Variants in CEP192 observed in about 807,000 individuals in gnomAD.
The protein encoded by CEP192 is centrosomal protein of 192 kDa.
CEP192 carries 151 observed loss-of-function variants against 271.8 expected under a neutral mutation model. That is an observed-to-expected ratio of 0.56 (90% CI 0.49 to 0.64). CEP192 has a LOEUF of 0.64. CEP192 is among the 30% of genes least tolerant of loss of function. The pLI is 0.00. For synonymous variants in CEP192, 995 were observed against 1,076.5 expected, an observed-to-expected ratio of 0.92 and a Z score of 1.48; for missense variants, 2,910 against 3,020.5, an observed-to-expected ratio of 0.96 and a Z score of 0.86.
At chr18:13,012,163 G>C (rs1599062555) in intron 4 of CEP192, among the ~76,000 whole-genome samples, 1 of 152,326 alleles carries the variant, frequency 6.6e-6, no homozygotes, top group East Asian at 1.9e-4. Flanking sequence ...CGGGAATGGG[G>C]AGTGATTGCT....
chr18:13,019,169 T>C lies in CEP192; in HGVS notation c.1013T>C (p.Ile338Thr), dbSNP rs974199526. 3 of 1,545,100 alleles carry C rather than the reference T, an allele frequency of 1.9e-6. No individual in the cohort carries two copies. Among genetic ancestry groups the C allele is most frequent in the African/African-American group, 1.4e-5 (1 of 72,712 alleles). Residue 338 changes from isoleucine (I) to threonine (T), a missense_variant, in exon 9 of 45, where the codon ATA becomes ACA. Physicochemically the swap from Ile to Thr is moderately conservative, Grantham distance 89 (BLOSUM62 -1). Transcript: ENST00000506447. ...SSGTWGTEKE[I>T]ENLKGIVPDL... ...GGTACTTGGGGAACTGAGAAAGAAATAGAAAATTTGAAGGGTATTGTTCCA... is the reference window on the plus strand; with the variant it reads ...GGTACTTGGGGAACTGAGAAAGAAACAGAAAATTTGAAGGGTATTGTTCCA...
At chr18:13,094,726 G>A (rs564761781) in intron 34 of CEP192, among the ~76,000 whole-genome samples, 6 of 152,284 alleles carry the variant, frequency 3.9e-5, no homozygotes, top group South Asian at 2.1e-4. Context: ...CCCAGGAAAC[G>A]TGGACTAATG....
chr18:13,030,664 A>G, intron 11 of CEP192, 56 bp downstream of exon 11: 2 of 1,398,160 alleles, frequency 1.4e-6, no homozygotes, highest in Non-Finnish European at 2.0e-6. Flanking sequence ...GATCTTTCTA[A>G]GATTACTGTG....
Position 13,113,754 on chromosome 18 carries a change from CAGAA to C in CEP192, c.7167+52_7167+55del, listed in dbSNP as rs765595946. The C allele has an allele frequency of 1.1e-5, 17 of 1,510,698 alleles. No individual in the cohort carries two copies. In the Middle Eastern group the frequency reaches 5.4e-4, roughly 48 times the overall value. The allele number at this position is 1,510,698 out of a possible 1,614,324, so 93.6% of individuals were successfully genotyped here. On this transcript the variant is annotated intron_variant, in intron 41 of 44. Transcript: ENST00000506447. ...TAAATTATTGTATGTATTTTAAAAACAGAAAGGGAAATTAATAAGAAAAGTTGGC... is the reference window on the plus strand; with the variant it reads ...TAAATTATTGTATGTATTTTAAAAACAGGGAAATTAATAAGAAAAGTTGGC...
At chr18:13,067,057 A>C (rs562051987) in intron 21 of CEP192, among the ~76,000 whole-genome samples, 36 of 151,414 alleles carry the variant, frequency 2.4e-4, no homozygotes, top group African/African-American at 8.7e-4. Flanking sequence ...GTGTTTTACT[A>C]ACCTTGGATC....
chr18:13,017,095 A>G (rs2143098576), intron 6 of CEP192, 93 bp from the exon 7 acceptor site: 8 of 817,934 alleles, frequency 9.8e-6, no homozygotes, highest in Non-Finnish European at 1.5e-5. Flanking sequence ...TAGTCCATTG[A>G]CTCATTTATG....
chr18:13,024,219 A>T, intron 9 of CEP192: 1 of 414,198 alleles, frequency 2.4e-6, no homozygotes, highest in Non-Finnish European at 4.8e-6. Context: ...TAGAGAATTG[A>T]TTCCTCTATA....
intron 12 of CEP192, 103 bp from the exon 13 acceptor site, chr18:13,038,265 TAC>T: frequency 1.1e-6 from 1 of 937,168 alleles, no homozygotes. Flanking sequence ...TTTTCAAAAT[TAC>T]TTTTTAAATT....
intron 36 of CEP192, among the ~76,000 whole-genome samples, chr18:13,097,040 T>A (rs781726816): frequency 3.3e-5 from 5 of 152,214 alleles, no homozygotes; most frequent in African/African-American, 1.2e-4. Flanking sequence ...CAAAATGATA[T>A]GCTAAAATTT....
intron 18 of CEP192, among the ~76,000 whole-genome samples, chr18:13,055,375 G>T (rs760064938): frequency 6.6e-6 from 1 of 151,798 alleles, no homozygotes; most frequent in African/African-American, 2.4e-5. Context: ...CTGCTGAGCC[G>T]CCGCCTGACC....
rs2040429997 is a variant in CEP192 at position 13,116,377 on chromosome 18, G to A, written c.7290G>A (p.Glu2430=). 1.2e-6 allele frequency: 2 copies of A among 1,611,102 alleles called. No individual in the cohort carries two copies. The highest frequency in any genetic ancestry group is 2.2e-5 in the South Asian group (2 of 90,030). The change falls in exon 43 of 45, where the codon GAG becomes GAA. Residue 2430 remains glutamate (E), a splice_region_variant and synonymous_variant. Transcript: ENST00000506447. ...ACTTTTACACCTATTCCCAAAGCAG[G>A]CAGCTTGATGTGACTGCTCGTGGAG... ...AVSEASARIP[E]QLDVTARGVY...
intron 38 of CEP192, 148 bp downstream of exon 38, chr18:13,100,660 G>A: frequency 1.6e-6 from 1 of 627,482 alleles, no homozygotes; most frequent in Non-Finnish European, 2.8e-6. Context: ...ATGATGGGCT[G>A]GATTTGGGAT....
chr18:13,097,646 A>G (rs1013740339), intron 36 of CEP192, among the ~76,000 whole-genome samples: 12 of 115,528 alleles, frequency 1.0e-4, no homozygotes, highest in African/African-American at 3.7e-4. Context: ...TTTTTTAACT[A>G]TTATTTTTTT....
Position 13,019,213 on chromosome 18 carries a change from T to G in CEP192, c.1050+7T>G. On this transcript the variant is annotated splice_region_variant and intron_variant, in intron 9 of 44. Transcript: ENST00000506447. ...TGTTCCAGATCTTAACAGTGTAAGTTATGCATTTTTCTTAGATTTCCTATA... is the reference window on the plus strand; with the variant it reads ...TGTTCCAGATCTTAACAGTGTAAGTGATGCATTTTTCTTAGATTTCCTATA... The G allele has an allele frequency of 3.4e-6, 5 of 1,481,104 alleles. No individual in the cohort carries two copies. The highest frequency in any genetic ancestry group is 3.6e-6 in the Non-Finnish European group (4 of 1,119,578). The allele number at this position is 1,481,104 out of a possible 1,614,324, so 91.7% of individuals were successfully genotyped here. A position where few individuals can be genotyped will look rare whatever the true frequency, so the allele number is the denominator to read the frequency against.
At chr18:13,026,156 T>C (rs1251336367) in intron 9 of CEP192, among the ~76,000 whole-genome samples, 1 of 152,218 alleles carries the variant, frequency 6.6e-6, no homozygotes, top group Non-Finnish European at 1.5e-5. Flanking sequence ...GTTTCTTTCT[T>C]TCAACTCTTT....
In CEP192 at chr18:13,008,464, C is replaced by G. The variant is rs1309635716; in HGVS notation, c.299C>G (p.Ser100Cys). ...QLSFQDDDSI[S>C]RKKSYVESQR... Reference sequence around the variant, plus strand: ...GTTTCCTAATAAAAAAGTTCTATCTCTAGGAAAAAGAGCTATGTGGAAAGT... The same window carrying G: ...GTTTCCTAATAAAAAAGTTCTATCTGTAGGAAAAAGAGCTATGTGGAAAGT... Residue 100 changes from serine to cysteine, a missense_variant, in exon 4 of 45, where the codon TCT becomes TGT. Transcript: ENST00000506447. 1 of 1,543,266 alleles carries G rather than the reference C, an allele frequency of 6.5e-7. No individual in the cohort carries two copies. The highest frequency in any genetic ancestry group is 1.2e-5 in the South Asian group (1 of 82,378).
chr18:13,117,484 T>C, intron 43 of CEP192, 101 bp from the exon 44 acceptor site: 1 of 854,384 alleles, frequency 1.2e-6, no homozygotes, highest in Non-Finnish European at 1.9e-6. Flanking sequence ...AATACCTAAA[T>C]TTACAAAATG....
rs1367180652 is a variant in CEP192, at chr18:13,038,427, G to C, written c.1657G>C (p.Ala553Pro). The C allele has an allele frequency of 6.4e-7, 1 of 1,551,482 alleles. No individual in the cohort carries two copies. Among genetic ancestry groups the C allele is most frequent in the African/African-American group, 1.4e-5 (1 of 73,024 alleles). The change falls in exon 13 of 45, where the codon GCT becomes CCT. Residue 553 changes from alanine (A) to proline (P), a missense_variant. Physicochemically the swap from Ala to Pro is conservative, Grantham distance 27. Coordinates refer to ENST00000506447, the MANE Select transcript of CEP192 (RefSeq NM_032142.4). Reference sequence around the variant, plus strand: ...TGCACTGGGCGATACGTCCTGGGGAGCTACAATTAATTACAGTCTGTTGAG... The same window carrying C: ...TGCACTGGGCGATACGTCCTGGGGACCTACAATTAATTACAGTCTGTTGAG... ...SVALGDTSWG[A>P]TINYSLLRKS...
At chr18:13,089,333 A>G (rs1421207540) in intron 32 of CEP192, 123 bp from the exon 33 acceptor site, 2 of 480,362 alleles carry the variant, frequency 4.2e-6, no homozygotes, top group African/African-American at 2.0e-5. Flanking sequence ...TTTTAGGTGT[A>G]AGGTCTGTGT....
Sources: gnomAD v4.1 joint callset for allele counts (sites outside exome capture counted in the v4.1 genomes callset) on GRCh38, gnomAD v4.1.1 for gene constraint, MANE v1.5 for transcripts, NCBI Gene and HGNC (gene_info 2026-07-23, HGNC 2026-07-21) for gene names.